The following KMT2C variants were observed in gnomAD, a reference collection of about 807,000 sequenced individuals.
KMT2C encodes the protein lysine methyltransferase 2C.
Under a neutral mutation model 507.9 loss-of-function variants are expected in KMT2C, and 88 were observed. The observed-to-expected ratio is 0.17, with a 90% CI of 0.15 to 0.21. The LOEUF is 0.21. Ranked by LOEUF, KMT2C falls within the 10% of genes least tolerant of loss-of-function variation. The probability of loss-of-function intolerance (pLI) is 1.00; values close to 1 mark genes in which losing one functional copy is unlikely to be tolerated. For synonymous variants in KMT2C, 2,049 were observed against 2,080.8 expected (o/e 0.98, Z 0.42); for missense variants, 4,954 against 5,957.8 (o/e 0.83, Z 5.55).
intron 2 of KMT2C, among the ~76,000 whole-genome samples, chr7:152,351,716 T>C (rs2097112295): frequency 6.6e-6 from 1 of 152,218 alleles, no homozygotes; most frequent in Non-Finnish European, 1.5e-5. Flanking sequence ...ACGCCTGTCT[T>C]TACTGTAATC....
At chr7:152,219,265 T>G (rs2094688979) in intron 23 of KMT2C, among the ~76,000 whole-genome samples, 1 of 149,800 alleles carries the variant, frequency 6.7e-6, no homozygotes, top group African/African-American at 2.5e-5. Context: ...CCACTGCGCC[T>G]GGCCAGGCAA....
At chr7:152,151,120 A>C (rs903690310) in intron 50 of KMT2C, 113 bp from the exon 51 acceptor site, 5 of 684,630 alleles carry the variant, frequency 7.3e-6, no homozygotes, top group Non-Finnish European at 1.2e-5. Flanking sequence ...TCTTTATCTT[A>C]ATAGTAGAAA....
chr7:152,167,446 C>T, intron 41 of KMT2C, 68 bp from the exon 42 acceptor site: 1 of 1,080,696 alleles, frequency 9.3e-7, no homozygotes, highest in Non-Finnish European at 1.4e-6. Flanking sequence ...TTACACAAAT[C>T]TATTTTGTAA....
chr7:152,150,890 C>A lies in KMT2C; in HGVS notation c.12774+10G>T. The A allele has an allele frequency of 6.5e-7, 1 of 1,536,036 alleles. No homozygotes were observed. The highest frequency in any genetic ancestry group is 9.0e-7 in the Non-Finnish European group (1 of 1,109,206). On this transcript the variant is annotated intron_variant, in intron 51 of 58. Coordinates refer to ENST00000262189, the MANE Select transcript of KMT2C (RefSeq NM_170606.3). ...CACATTGTTATCAGCTGAGATTATC[C>A]TAATCTCACCTTGTTTTCTGAGTTT... is the stretch of plus-strand genomic sequence containing the variant.
At chr7:152,233,096 G>T (rs1264739274) in intron 16 of KMT2C, among the ~76,000 whole-genome samples, 3 of 152,142 alleles carry the variant, frequency 2.0e-5, no homozygotes, top group Non-Finnish European at 4.4e-5. Flanking sequence ...AGATTCAAGT[G>T]GGGGTGGGGA....
At chr7:152,418,275 G>A (rs1017273744) in intron 1 of KMT2C, among the ~76,000 whole-genome samples, 1 of 151,972 alleles carries the variant, frequency 6.6e-6, no homozygotes. Context: ...TCCTGCCTAT[G>A]GTAATCTGTC....
Position 152,379,250 on chromosome 7 carries a change from G to A in KMT2C, c.162-20575C>T, listed in dbSNP as rs2097351697. 3.9e-5 allele frequency among the ~76,000 whole-genome samples: 6 copies of A among 152,118 alleles called. No individual in the cohort carries two copies. The South Asian group carries it at 8.3e-4, about 21-fold the overall frequency. The stretch of plus-strand genomic sequence containing the variant: ...AACACTGTGCAGATATAAAAAATAC[G>A]TAGTTAAGGCCAGGGTGCAGTGGCT... On this transcript the variant is annotated intron_variant, in intron 1 of 58. Coordinates refer to ENST00000262189, the MANE Select transcript of KMT2C (RefSeq NM_170606.3).
intron 6 of KMT2C, among the ~76,000 whole-genome samples, chr7:152,297,031 A>AAGAAAGAAAGAAAGACAGAC (rs2096509957): frequency 2.1e-5 from 2 of 97,430 alleles, no homozygotes; most frequent in African/African-American, 1.0e-4. Context: ...GAAAGAAAGA[A>AAGAAAGAAAGAAAGACAGAC]AGAAAGAAAG....
At position 152,177,646 on chromosome 7, in the gene KMT2C, T is replaced by C. The variant is rs1190372735; in HGVS notation, c.7807A>G (p.Arg2603Gly). 6.2e-7 allele frequency: 1 copy of C among 1,614,038 alleles called. No homozygotes were observed. The highest frequency in any genetic ancestry group is 8.5e-7 in the Non-Finnish European group (1 of 1,180,034). ...GGTCGTCGCATGGGGTCTGTGTGTC[T>C]AGGGCCCGGAAAGTCTGGCCGGGGA... ...FIPRPDFPGPRHTDPMRRPPQ... is the reference protein window; with the variant it reads ...FIPRPDFPGPGHTDPMRRPPQ... The change falls in exon 38 of 59, where the codon AGA (arginine) becomes GGA (glycine). Residue 2603 changes from arginine (R) to glycine (G), a missense_variant. Around this residue, in one of 29 missense-constraint regions of KMT2C, gnomAD observed 1,689 missense variants for 1,654.3 expected, o/e 1.02. Coordinates refer to ENST00000262189, the MANE Select transcript of KMT2C (RefSeq NM_170606.3).
chr7:152,336,072 G>GA (rs1321174660), intron 2 of KMT2C, among the ~76,000 whole-genome samples: 7 of 152,038 alleles, frequency 4.6e-5, no homozygotes, highest in Non-Finnish European at 1.0e-4. Context: ...ATCTGCTAAA[G>GA]AAACAGTAGG....
At chr7:152,219,581 T>TAA (rs1207953512) in intron 23 of KMT2C, among the ~76,000 whole-genome samples, 10 of 137,502 alleles carry the variant, frequency 7.3e-5, no homozygotes, top group African/African-American at 2.1e-4. Context: ...CACTGCCCCT[T>TAA]AAAAAAAAAA....
At chr7:152,270,761 T>A (rs1265087155) in intron 7 of KMT2C, among the ~76,000 whole-genome samples, 1 of 152,218 alleles carries the variant, frequency 6.6e-6, no homozygotes, top group Non-Finnish European at 1.5e-5. Context: ...CAGACAAGGT[T>A]AATGTATCCT....
intron 44 of KMT2C, among the ~76,000 whole-genome samples, chr7:152,157,327 C>CAAAA (rs5888464): frequency 1.7e-5 from 1 of 58,952 alleles, no homozygotes. Flanking sequence ...GACCCTGTCT[C>CAAAA]AAAAAAAAAA....
rs2095647329 is a variant in KMT2C, at chr7:152,255,567, G to A, written c.1300-2852C>T. ...TTTATACAGAAAAACAAATACACAA[G>A]CACAGATAAGAAACCTGTGAAATGG... On this transcript the variant is annotated intron_variant, in intron 9 of 58. Coordinates refer to ENST00000262189, the MANE Select transcript of KMT2C (RefSeq NM_170606.3). Among the ~76,000 whole-genome samples the A allele has an allele frequency of 2.0e-5, 3 of 152,016 alleles. No homozygotes were observed. The South Asian group carries it at 6.2e-4, about 32-fold the overall frequency.
Position 152,172,713 on chromosome 7 carries a change from T to C in KMT2C, c.9375-1371A>G, listed in dbSNP as rs182194814. Among the ~76,000 whole-genome samples, 194 of 152,130 alleles carry C rather than the reference T, an allele frequency of 1.3e-3. 1 individual carries two copies. The highest frequency in any genetic ancestry group is 0.01 in the Middle Eastern group (3 of 294). ...AAACAAAAACCAAAACAAAACTAAGTAGTAAATAAAACTCAGCATTTCCTT... is the reference window on the plus strand; with the variant it reads ...AAACAAAAACCAAAACAAAACTAAGCAGTAAATAAAACTCAGCATTTCCTT... On this transcript the variant is annotated intron_variant, in intron 39 of 58. Coordinates refer to ENST00000262189, the MANE Select transcript of KMT2C (RefSeq NM_170606.3).
rs1412833343 is a variant in KMT2C, at chr7:152,181,817, C to T, written c.6043G>A (p.Asp2015Asn). 1 of 1,614,052 alleles carries T rather than the reference C, an allele frequency of 6.2e-7. No homozygotes were observed. The highest frequency in any genetic ancestry group is 8.5e-7 in the Non-Finnish European group (1 of 1,180,034). The change falls in exon 36 of 59, where the codon GAT becomes AAT. Residue 2015 changes from aspartate (D) to asparagine (N), a missense_variant. By Grantham distance (23) the Asp-to-Asn change is conservative. Transcript: ENST00000262189. ...DHFTKPSPRA[D>N]VFQRQRIPDS... Reference sequence around the variant, plus strand: ...GGTATCCTTTGTCTTTGAAACACATCTGCCCTAGGAGATGGTTTAGTAAAG... The same window carrying T: ...GGTATCCTTTGTCTTTGAAACACATTTGCCCTAGGAGATGGTTTAGTAAAG...
At chr7:152,190,846 C>A (rs2093769862) in intron 31 of KMT2C, among the ~76,000 whole-genome samples, 1 of 152,172 alleles carries the variant, frequency 6.6e-6, no homozygotes, top group African/African-American at 2.4e-5. Context: ...AGATTAGCAA[C>A]AACCTTCCCA....
chr7:152,245,380 A>C (rs2095454318), intron 14 of KMT2C, among the ~76,000 whole-genome samples: 1 of 152,234 alleles, frequency 6.6e-6, no homozygotes, highest in African/African-American at 2.4e-5. Context: ...AGCTAGCCAG[A>C]ACTGATGTTT....
At chr7:152,251,351 G>C (rs535731039) in intron 11 of KMT2C, among the ~76,000 whole-genome samples, 1 of 152,218 alleles carries the variant, frequency 6.6e-6, no homozygotes, top group Admixed American at 6.5e-5. Flanking sequence ...AATACTGATG[G>C]CATTCTGGAA....
Sources: allele counts gnomAD v4.1 joint callset (sites outside exome capture counted in the v4.1 genomes callset), GRCh38; gene constraint gnomAD v4.1.1; regional missense constraint gnomAD v4.1.1; transcripts MANE v1.5; gene names NCBI Gene and HGNC (gene_info 2026-07-23, HGNC 2026-07-21).